Variants in STRBP observed in about 807,000 individuals in gnomAD.
STRBP encodes spermatid perinuclear RNA binding protein.
STRBP carries 13 observed loss-of-function variants against 80.1 expected under a neutral mutation model. That is an observed-to-expected ratio of 0.16 (90% CI 0.11 to 0.26). The LOEUF (loss-of-function observed/expected upper bound fraction) is 0.26. Ranked by LOEUF, STRBP falls within the 10% of genes least tolerant of loss-of-function variation. The pLI, the probability that STRBP is intolerant of heterozygous loss-of-function variation, is 1.00. For missense variants in STRBP, 485 were observed against 815.2 expected (o/e 0.59, Z 4.93); for synonymous variants, 284 against 291.2 (o/e 0.98, Z 0.25).
At chr9:123,239,405 G>A (rs1384059010) in intron 1 of STRBP, among the ~76,000 whole-genome samples, 2 of 151,936 alleles carry the variant, frequency 1.3e-5, no homozygotes, top group African/African-American at 2.4e-5. Flanking sequence ...AATGCCTATC[G>A]GGCTTTCCTC....
At chr9:123,203,759 G>A (rs986947990) in intron 2 of STRBP, among the ~76,000 whole-genome samples, 3 of 152,140 alleles carry the variant, frequency 2.0e-5, no homozygotes, top group Non-Finnish European at 4.4e-5. Context: ...ATCACCTGAT[G>A]TCAGGAGTTC....
At chr9:123,213,887 A>C (rs1406943276) in intron 2 of STRBP, 1 of 149,656 alleles carries the variant, frequency 6.7e-6, no homozygotes, top group African/African-American at 2.5e-5. Flanking sequence ...GCGCCACTGT[A>C]CTCCAGCCAG....
At chr9:123,204,104 G>GGCA (rs2039427942) in intron 2 of STRBP, among the ~76,000 whole-genome samples, 3 of 152,150 alleles carry the variant, frequency 2.0e-5, no homozygotes, top group Admixed American at 1.3e-4. Context: ...TGTTTACTCT[G>GGCA]CATTGCACAC....
At chr9:123,157,930 C>T in intron 11 of STRBP, 82 bp downstream of exon 11, 4 of 1,026,422 alleles carry the variant, frequency 3.9e-6, no homozygotes, top group Non-Finnish European at 6.0e-6. Context: ...ATTAAGTTCC[C>T]TAAGTTGTAA....
At chr9:123,120,523 G>T (rs2035717278), downstream of STRBP, among the ~76,000 whole-genome samples, 1 of 150,376 alleles carries the variant, frequency 6.6e-6, no homozygotes, top group African/African-American at 2.4e-5. Context: ...GGAAAGCAGG[G>T]GGGATCTCCT....
intron 13 of STRBP, among the ~76,000 whole-genome samples, chr9:123,144,132 A>G (rs1274521977): frequency 6.7e-6 from 1 of 149,802 alleles, no homozygotes; most frequent in Non-Finnish European, 1.5e-5. Flanking sequence ...CAGGAGGCAG[A>G]GGCTGCAGTG....
chr9:123,161,635 T>C (rs1410352565), intron 6 of STRBP, among the ~76,000 whole-genome samples: 1 of 152,176 alleles, frequency 6.6e-6, no homozygotes, highest in East Asian at 1.9e-4. Flanking sequence ...GATTGAGAAC[T>C]CAAGTATCAG....
intron 4 of STRBP, among the ~76,000 whole-genome samples, chr9:123,176,682 T>C (rs1172021704): frequency 6.6e-6 from 1 of 152,198 alleles, no homozygotes; most frequent in Non-Finnish European, 1.5e-5. Flanking sequence ...ACCATAATTA[T>C]GATATACTTG....
At chr9:123,135,866 A>AC in intron 16 of STRBP, 175 bp downstream of exon 16, 1 of 664,324 alleles carries the variant, frequency 1.5e-6, no homozygotes. Context: ...TCCATAGAAC[A>AC]TGAAACCACT....
At chr9:123,242,242 T>C (rs1194219343) in intron 1 of STRBP, among the ~76,000 whole-genome samples, 1 of 152,250 alleles carries the variant, frequency 6.6e-6, no homozygotes, top group Admixed American at 6.5e-5. Flanking sequence ...TTATTATTCA[T>C]ATACTATCTC....
intron 4 of STRBP, among the ~76,000 whole-genome samples, chr9:123,174,775 T>C (rs2038150377): frequency 6.6e-6 from 1 of 152,152 alleles, no homozygotes; most frequent in Non-Finnish European, 1.5e-5. Context: ...GAGCAAACAC[T>C]CAAAGAAATC....
At chr9:123,111,684 A>G (rs1389494260) in intron 3 of STRBP, 6 of 462,284 alleles carry the variant, frequency 1.3e-5, no homozygotes, top group Non-Finnish European at 2.2e-5. Flanking sequence ...GCAGCCAGGG[A>G]CAGGCTGCAT....
Position 123,136,524 on chromosome 9 carries a change from G to A in STRBP, c.1498-9C>T. On this transcript the variant is annotated splice_polypyrimidine_tract_variant and intron_variant, in intron 14 of 18. Coordinates refer to ENST00000348403, the MANE Select transcript of STRBP (RefSeq NM_018387.5). The surrounding 1 kb of genome is among the most constrained non-coding windows in gnomAD (Gnocchi z 4.2). ...GGGCCCTGAGTTCTTACCTATAAGA[G>A]AAAGGGAATCTGAAGGTTCAATCAA... is the stretch of plus-strand genomic sequence containing the variant. 1.2e-6 allele frequency: 2 copies of A among 1,610,958 alleles called. No homozygotes were observed. Among genetic ancestry groups the A allele is most frequent in the Non-Finnish European group, 1.7e-6 (2 of 1,179,266 alleles).
intron 2 of STRBP, among the ~76,000 whole-genome samples, chr9:123,236,182 T>C (rs546081530): frequency 1.4e-4 from 22 of 152,218 alleles, no homozygotes; most frequent in Non-Finnish European, 3.1e-4. Context: ...TACCATATAG[T>C]ATAAAGTGGT....
chr9:123,226,620 C>T (rs557100418), intron 2 of STRBP, among the ~76,000 whole-genome samples: 2 of 152,312 alleles, frequency 1.3e-5, no homozygotes, highest in Admixed American at 1.3e-4. Context: ...CCCACCTCTG[C>T]CATACAGCCA....
At chr9:123,205,031 C>T (rs1351666426) in intron 2 of STRBP, among the ~76,000 whole-genome samples, 1 of 151,872 alleles carries the variant, frequency 6.6e-6, no homozygotes, top group Non-Finnish European at 1.5e-5. Context: ...TTTGGGAGGC[C>T]GAAGTGGGCA....
intron 2 of STRBP, among the ~76,000 whole-genome samples, chr9:123,199,427 G>A (rs532156515): frequency 7.9e-5 from 12 of 152,252 alleles, no homozygotes; most frequent in African/African-American, 2.9e-4. Context: ...AATGATGTTG[G>A]TATTTTGATG....
rs372360522 is a variant in STRBP, at chr9:123,172,826, A to C, written c.390+851T>G. On this transcript the variant is annotated intron_variant, in intron 5 of 18. Transcript: ENST00000348403. ...AAGACCCCTTTTAAAAGATATACAAATAAAAGAAACTAAATTTTAAAAAGT... is the reference window on the plus strand; with the variant it reads ...AAGACCCCTTTTAAAAGATATACAACTAAAAGAAACTAAATTTTAAAAAGT... 6.5e-4 allele frequency among the ~76,000 whole-genome samples: 99 copies of C among 152,360 alleles called. No homozygotes were observed. The Middle Eastern group carries it at 0.014, about 21-fold the overall frequency.
chr9:123,111,139 T>C (rs1211215198), intron 3 of STRBP: 1 of 167,672 alleles, frequency 6.0e-6, no homozygotes, highest in African/African-American at 2.4e-5. Flanking sequence ...GGGTCAGGGC[T>C]GCAGCCTGAG....
Sources: gnomAD v4.1 joint callset for allele counts (sites outside exome capture counted in the v4.1 genomes callset) on GRCh38, gnomAD v4.1.1 for gene constraint, Gnocchi (gnomAD v3.1) non-coding constraint, MANE v1.5 for transcripts, NCBI Gene and HGNC (gene_info 2026-07-23, HGNC 2026-07-21) for gene names.